Variants in PRKN observed in about 807,000 individuals in gnomAD.
PRKN encodes the protein parkin RBR E3 ubiquitin protein ligase.
In PRKN, 56 loss-of-function variants were observed where a neutral mutation model predicts 59.5. The ratio of observed to expected loss-of-function variants is 0.94; its 90% CI spans 0.76 to 1.18. The LOEUF (loss-of-function observed/expected upper bound fraction) is 1.18, where lower values mean the gene tolerates loss of function less well. Ranked by LOEUF, PRKN falls within the 50% of genes most tolerant of loss-of-function variation. The pLI, the probability that PRKN is intolerant of heterozygous loss-of-function variation, is 0.00. For synonymous variants in PRKN, 250 were observed against 222.1 expected (o/e 1.13, Z -1.12); for missense variants, 657 against 596.4 (o/e 1.10, Z -1.06).
chr6:161,777,715 TTATATACATATATATCTATATA>T, intron 7 of PRKN, among the ~76,000 whole-genome samples: 1 of 144,388 alleles, frequency 6.9e-6, no homozygotes, highest in East Asian at 2.0e-4. Context: ...AAGAGATATT[TTATATACATATATATCTATATA>T]TGTATATATA....
chr6:162,161,494 T>C (rs868232765), intron 4 of PRKN, among the ~76,000 whole-genome samples: 1 of 152,148 alleles, frequency 6.6e-6, no homozygotes. Context: ...ATACATAAGT[T>C]TGGAAGTGTG....
intron 1 of PRKN, among the ~76,000 whole-genome samples, chr6:162,565,169 T>G (rs1203887275): frequency 6.6e-6 from 1 of 152,148 alleles, no homozygotes; most frequent in African/African-American, 2.4e-5. Context: ...TCTCTTTGTT[T>G]ATGCAATTGG....
intron 6 of PRKN, among the ~76,000 whole-genome samples, chr6:161,947,403 G>A (rs1178612716): frequency 2.6e-5 from 4 of 152,142 alleles, no homozygotes; most frequent in Admixed American, 6.6e-5. Context: ...TCTTAAAAAT[G>A]GTCATTCTTC....
intron 4 of PRKN, among the ~76,000 whole-genome samples, chr6:162,198,957 T>C (rs1202446686): frequency 6.6e-6 from 1 of 152,192 alleles, no homozygotes; most frequent in Non-Finnish European, 1.5e-5. Flanking sequence ...AAGCATATTA[T>C]TAAATGAGAA....
intron 5 of PRKN, among the ~76,000 whole-genome samples, chr6:162,048,910 T>G (rs1047039006): frequency 8.5e-5 from 13 of 152,136 alleles, no homozygotes; most frequent in Non-Finnish European, 1.9e-4. Flanking sequence ...TGAGTTAATT[T>G]CACTAACGGA....
intron 9 of PRKN, among the ~76,000 whole-genome samples, chr6:161,490,071 C>G (rs752420216): frequency 4.6e-5 from 7 of 152,192 alleles, no homozygotes; most frequent in South Asian, 2.1e-4. Flanking sequence ...TAATGTCTTA[C>G]CAGGAGGACC....
At position 161,584,082 on chromosome 6, in the gene PRKN, C is replaced by G. The variant is rs891725817; in HGVS notation, c.872-14666G>C. 6.6e-6 allele frequency among the ~76,000 whole-genome samples: 1 copy of G among 152,164 alleles called. No individual in the cohort carries two copies. Among genetic ancestry groups the G allele is most frequent in the African/African-American group, 2.4e-5 (1 of 41,442 alleles). ...TTTCCCAGAGTATTAGAGACACAAC[C>G]CTCCCCTCCTTGGTTGTATGTGTAT... is the stretch of plus-strand genomic sequence containing the variant. On this transcript the variant is annotated intron_variant, in intron 7 of 11. Coordinates refer to ENST00000366898, the MANE Select transcript of PRKN (RefSeq NM_004562.3). The surrounding 1 kb of genome is among the most constrained non-coding windows in gnomAD (Gnocchi z 4.8).
chr6:162,539,643 C>T (rs182231706), intron 1 of PRKN, among the ~76,000 whole-genome samples: 12 of 152,236 alleles, frequency 7.9e-5, no homozygotes, highest in Admixed American at 4.6e-4. Context: ...CTGCTTGAAT[C>T]GCAGCTTAAT....
chr6:162,559,261 G>A (rs1779740498), intron 1 of PRKN, among the ~76,000 whole-genome samples: 1 of 135,060 alleles, frequency 7.4e-6, no homozygotes, highest in Admixed American at 7.5e-5. Flanking sequence ...ACGACTATTT[G>A]TAAATAATAC....
At chr6:162,505,433 G>A (rs1458824683) in intron 1 of PRKN, among the ~76,000 whole-genome samples, 1 of 152,082 alleles carries the variant, frequency 6.6e-6, no homozygotes, top group Non-Finnish European at 1.5e-5. Flanking sequence ...ACCTGGAAAC[G>A]TATTAAAATG....
intron 1 of PRKN, among the ~76,000 whole-genome samples, chr6:162,708,683 G>C (rs751786926): frequency 1.3e-5 from 2 of 151,976 alleles, no homozygotes; most frequent in South Asian, 2.1e-4. Context: ...ACTCATTTTC[G>C]ACCACTGGCC....
At chr6:161,798,199 T>A (rs1244122614) in intron 6 of PRKN, among the ~76,000 whole-genome samples, 4 of 152,068 alleles carry the variant, frequency 2.6e-5, no homozygotes, top group African/African-American at 9.7e-5. Flanking sequence ...AGACTCCTTC[T>A]CAAAACAAAC....
At chr6:162,615,141 C>T (rs1264301063) in intron 1 of PRKN, among the ~76,000 whole-genome samples, 4 of 152,098 alleles carry the variant, frequency 2.6e-5, no homozygotes, top group African/African-American at 9.7e-5. Context: ...ATTTTGTCTC[C>T]AAGTTTATTG....
intron 6 of PRKN, among the ~76,000 whole-genome samples, chr6:161,948,001 T>C (rs1790018): frequency 0.24 from 37,152 of 152,038 alleles, 5,169 homozygotes; most frequent in East Asian, 0.31. Context: ...TCTTCTTTTT[T>C]TTGAGACAGA....
intron 9 of PRKN, among the ~76,000 whole-genome samples, chr6:161,542,605 A>T (rs1779655957): frequency 6.6e-6 from 1 of 152,266 alleles, no homozygotes; most frequent in Admixed American, 6.5e-5. Context: ...ATTTTTGGAC[A>T]CATGTCAAAT....
chr6:161,368,542 A>G (rs1458581659), intron 10 of PRKN, among the ~76,000 whole-genome samples: 1 of 151,436 alleles, frequency 6.6e-6, no homozygotes, highest in Non-Finnish European at 1.5e-5. Flanking sequence ...GCGACAGGGC[A>G]AGAATCTGTC....
At chr6:161,514,987 A>C (rs1778534202) in intron 9 of PRKN, among the ~76,000 whole-genome samples, 1 of 152,094 alleles carries the variant, frequency 6.6e-6, no homozygotes, top group Non-Finnish European at 1.5e-5. Flanking sequence ...TTGTTAGTTA[A>C]AGATGGGCCA....
Position 162,533,988 on chromosome 6 carries a change from A to AAG in PRKN, c.8-90516_8-90515insCT, listed in dbSNP as rs71004099. 2.8e-5 allele frequency among the ~76,000 whole-genome samples: 4 copies of AAG among 143,678 alleles called. 1 individual carries two copies. The highest frequency in any genetic ancestry group is 4.6e-5 in the Non-Finnish European group (3 of 64,900). 94.3% of individuals were successfully genotyped at this position (143,678 alleles called of 152,430 possible). A position where few individuals can be genotyped will look rare whatever the true frequency, so the allele number is the denominator to read the frequency against. ...TCCATCTCAAAAAAAAAAAAAAAAA[A>AAG]GAGATATGAAGGAGGATTAATAAGA... On this transcript the variant is annotated intron_variant, in intron 1 of 11. Coordinates refer to ENST00000366898, the MANE Select transcript of PRKN (RefSeq NM_004562.3).
intron 2 of PRKN, among the ~76,000 whole-genome samples, chr6:162,294,558 A>G (rs1249473618): frequency 6.6e-6 from 1 of 152,178 alleles, no homozygotes; most frequent in African/African-American, 2.4e-5. Flanking sequence ...AACAAAAATC[A>G]CAGACCCTGC....
Sources: gnomAD v4.1 joint callset for allele counts (sites outside exome capture counted in the v4.1 genomes callset) on GRCh38, gnomAD v4.1.1 for gene constraint, Gnocchi (gnomAD v3.1) non-coding constraint, MANE v1.5 for transcripts, NCBI Gene and HGNC (gene_info 2026-07-23, HGNC 2026-07-21) for gene names.